Variants in MGA observed in about 807,000 individuals in gnomAD.
MGA encodes the protein MAX gene-associated protein.
Under a neutral mutation model 261.1 loss-of-function variants are expected in MGA, and 40 were observed. The ratio of observed to expected loss-of-function variants is 0.15; its 90% CI spans 0.12 to 0.20. The LOEUF is 0.20. MGA is among the 10% of genes least tolerant of loss of function. The pLI is 1.00. For synonymous variants in MGA, 1,302 were observed against 1,290.6 expected (o/e 1.01, Z -0.19); for missense variants, 3,397 against 3,630.5 (o/e 0.94, Z 1.65).
chr15:41,626,421 T>G (rs777016252), intron 1 of MGA, among the ~76,000 whole-genome samples: 12 of 151,514 alleles, frequency 7.9e-5, no homozygotes, highest in South Asian at 4.2e-4. Context: ...TAAAAAAACT[T>G]TTTTTTTTAA....
intron 7 of MGA, among the ~76,000 whole-genome samples, chr15:41,710,072 C>G (rs1342690968): frequency 6.6e-6 from 1 of 152,130 alleles, no homozygotes; most frequent in East Asian, 1.9e-4. Flanking sequence ...GGTGATCTGC[C>G]TGCCTCAGCC....
intron 1 of MGA, among the ~76,000 whole-genome samples, chr15:41,629,120 A>G (rs1566921726): frequency 6.6e-6 from 1 of 151,592 alleles, no homozygotes; most frequent in Non-Finnish European, 1.5e-5. Flanking sequence ...AAAAAAAAAA[A>G]AAAAAAGAAG....
chr15:41,621,537 C>G (rs975519951), intron 1 of MGA: 12 of 152,254 alleles, frequency 7.9e-5, no homozygotes, highest in African/African-American at 2.9e-4. Flanking sequence ...CGCGAGGATT[C>G]CGGGACCCGC....
chr15:41,707,910 G>A (rs923844809), intron 6 of MGA, 51 bp downstream of exon 6: 15 of 1,579,284 alleles, frequency 9.5e-6, no homozygotes, highest in East Asian at 6.7e-5. Context: ...TGAAGTTTAC[G>A]TTATTTGTAA....
chr15:41,699,657 G>A (rs568274833), intron 5 of MGA, among the ~76,000 whole-genome samples: 7 of 151,704 alleles, frequency 4.6e-5, no homozygotes, highest in South Asian at 2.1e-4. Flanking sequence ...GCCTGCCACC[G>A]CGCCTGGCTA....
intron 14 of MGA, among the ~76,000 whole-genome samples, chr15:41,741,119 C>T (rs534306193): frequency 6.6e-5 from 10 of 152,050 alleles, no homozygotes; most frequent in South Asian, 2.1e-4. Context: ...GAGGCCGAGG[C>T]GGGTGGATCA....
chr15:41,721,348 A>G (rs956799737), intron 9 of MGA, among the ~76,000 whole-genome samples: 1 of 152,054 alleles, frequency 6.6e-6, no homozygotes, highest in African/African-American at 2.4e-5. Flanking sequence ...TGTGCCTCTA[A>G]TCCCAGCTAC....
chr15:41,750,172 G>C lies in MGA; in HGVS notation c.6565G>C (p.Ala2189Pro). The C allele has an allele frequency of 6.2e-7, 1 of 1,613,936 alleles. No homozygotes were observed. The highest frequency in any genetic ancestry group is 1.1e-5 in the South Asian group (1 of 91,076). Reference sequence around the variant, plus strand: ...CCCCTTAACCAGGAAATGTGTTGGAGCTTCACAGGAATGTAAGAAAGAGGC... The same window carrying C: ...CCCCTTAACCAGGAAATGTGTTGGACCTTCACAGGAATGTAAGAAAGAGGC... The change falls in exon 17 of 24, where the codon GCT (alanine) becomes CCT (proline). Residue 2189 changes from alanine (A) to proline (P), a missense_variant. Around this residue, in one of 9 missense-constraint regions of MGA, gnomAD observed 1,410 missense variants for 1,386.4 expected, o/e 1.02. Coordinates refer to ENST00000219905, the MANE Select transcript of MGA (RefSeq NM_001164273.2).
At chr15:41,630,277 G>A (rs1286005640) in intron 1 of MGA, among the ~76,000 whole-genome samples, 2 of 151,912 alleles carry the variant, frequency 1.3e-5, no homozygotes, top group Non-Finnish European at 2.9e-5. Context: ...CAATTTCGAC[G>A]GATAAAATTG....
At chr15:41,704,232 A>T (rs1485850289) in intron 5 of MGA, among the ~76,000 whole-genome samples, 1 of 151,354 alleles carries the variant, frequency 6.6e-6, no homozygotes, top group African/African-American at 2.4e-5. Flanking sequence ...TTTTTTAGAG[A>T]TGGGGTCTCC....
At chr15:41,744,640 C>T (rs1735161877) in intron 15 of MGA, among the ~76,000 whole-genome samples, 2 of 152,194 alleles carry the variant, frequency 1.3e-5, no homozygotes, top group African/African-American at 4.8e-5. Flanking sequence ...AGGTGCATAT[C>T]TGTTATATTT....
rs747720626 is a variant in MGA, at chr15:41,740,129, C to T, written c.4511C>T (p.Ala1504Val). 6.2e-6 allele frequency: 10 copies of T among 1,613,918 alleles called. No homozygotes were observed. In the South Asian group the frequency reaches 6.6e-5, roughly 11 times the overall value. The change falls in exon 14 of 24, where the codon GCA becomes GTA. Residue 1504 changes from alanine to valine, a missense_variant. Physicochemically the swap from Ala to Val is moderately conservative, Grantham distance 64. Transcript: ENST00000219905. ...CCTTCAACATCCAATTCCAAAATGG[C>T]ATCCTCCTCTGGCACTGCAACAAAT...
At chr15:41,743,213 ACCTATTT>A in intron 15 of MGA, 41 bp downstream of exon 15, 1 of 1,529,844 alleles carries the variant, frequency 6.5e-7, no homozygotes, top group African/African-American at 1.4e-5. Context: ...TTTACTGTAC[ACCTATTT>A]ATATAACTTT....
chr15:41,642,833 C>T (rs1193940164), intron 1 of MGA, among the ~76,000 whole-genome samples: 4 of 151,274 alleles, frequency 2.6e-5, no homozygotes, highest in African/African-American at 9.7e-5. Flanking sequence ...TGGTCTCGAA[C>T]TTCTAACCTC....
chr15:41,673,372 C>T (rs2058179968), intron 2 of MGA, among the ~76,000 whole-genome samples: 2 of 151,840 alleles, frequency 1.3e-5, no homozygotes, highest in African/African-American at 2.4e-5. Context: ...TGCATGCCAC[C>T]ATGCCTGGCT....
At chr15:41,753,258 A>G (rs542598426) in intron 17 of MGA, among the ~76,000 whole-genome samples, 4 of 152,124 alleles carry the variant, frequency 2.6e-5, no homozygotes, top group Admixed American at 6.5e-5. Flanking sequence ...AACAATACAC[A>G]AATTAGCCAG....
At chr15:41,642,768 C>T (rs1019438253) in intron 1 of MGA, among the ~76,000 whole-genome samples, 9 of 152,066 alleles carry the variant, frequency 5.9e-5, no homozygotes, top group Admixed American at 1.3e-4. Flanking sequence ...GCCACTGTAC[C>T]CGGCCATTTT....
intron 1 of MGA, among the ~76,000 whole-genome samples, chr15:41,641,791 A>G (rs2056826895): frequency 6.6e-6 from 1 of 151,430 alleles, no homozygotes; most frequent in Admixed American, 6.6e-5. Flanking sequence ...TCCGGCCTAC[A>G]CTTTTTTTGT....
Position 41,740,079 on chromosome 15 carries a change from A to C in MGA, c.4461A>C (p.Ala1487=). The change falls in exon 14 of 24, where the codon GCA becomes GCC. Residue 1487 remains alanine (A), a synonymous_variant. Coordinates refer to ENST00000219905, the MANE Select transcript of MGA (RefSeq NM_001164273.2). ...TAGCATCCAATGCCAAGGTGGCTGC[A>C]TCCAGGAAACCACGTACCCTGTTGC... 1 of 1,614,018 alleles carries C rather than the reference A, an allele frequency of 6.2e-7. No homozygotes were observed. Among genetic ancestry groups the C allele is most frequent in the South Asian group, 1.1e-5 (1 of 91,078 alleles).
Sources: allele counts gnomAD v4.1 joint callset (sites outside exome capture counted in the v4.1 genomes callset), GRCh38; gene constraint gnomAD v4.1.1; regional missense constraint gnomAD v4.1.1; transcripts MANE v1.5; gene names NCBI Gene and HGNC (gene_info 2026-07-23, HGNC 2026-07-21).